The following HOXA6 variants were observed in gnomAD, a reference collection of about 807,000 sequenced individuals.
The protein encoded by HOXA6 is homeobox A6.
A neutral mutation model predicts 23.2 loss-of-function variants in HOXA6; 19 were observed. The ratio of observed to expected loss-of-function variants is 0.82; its 90% CI spans 0.57 to 1.20. The LOEUF (loss-of-function observed/expected upper bound fraction) is 1.20. Ranked by LOEUF, HOXA6 falls within the 50% of genes most tolerant of loss-of-function variation. HOXA6 has a pLI of 0.00. For missense variants in HOXA6, 346 were observed against 313.6 expected, an observed-to-expected ratio of 1.10 and a Z score of -0.78; for synonymous variants, 140 against 132.6, an observed-to-expected ratio of 1.06 and a Z score of -0.38.
intron 1 of HOXA6, among the ~76,000 whole-genome samples, chr7:27,146,615 G>C (rs1477375628): frequency 6.6e-6 from 1 of 152,172 alleles, no homozygotes; most frequent in African/African-American, 2.4e-5. Context: ...AGGTAGTCTA[G>C]GATTTCTGGC....
chr7:27,145,479 T>G lies in HOXA6; in HGVS notation c.*179A>C. Reference sequence around the variant, plus strand: ...TTTGTTTTGTTTTGTTTTGTTTTGTTTTGTTTTGTTTTGTTTTGTAAGAAA... The same window carrying G: ...TTTGTTTTGTTTTGTTTTGTTTTGTGTTGTTTTGTTTTGTTTTGTAAGAAA... On this transcript the variant is annotated 3_prime_UTR_variant, in exon 2 of 2. Coordinates refer to ENST00000222728, the MANE Select transcript of HOXA6 (RefSeq NM_024014.4). The G allele has an allele frequency of 3.9e-6, 3 of 762,350 alleles. No homozygotes were observed. Among genetic ancestry groups the G allele is most frequent in the Non-Finnish European group, 4.2e-6 (2 of 477,696 alleles). The allele number at this position is 762,350 out of a possible 1,614,324, so 47.2% of individuals were successfully genotyped here.
In HOXA6 at chr7:27,146,799, A is replaced by C. The variant is rs549434490; in HGVS notation, c.442+509T>G. Among the ~76,000 whole-genome samples the C allele has an allele frequency of 8.5e-5, 13 of 152,248 alleles. No homozygotes were observed. In the South Asian group the frequency reaches 1.5e-3, roughly 17 times the overall value. On this transcript the variant is annotated intron_variant, in intron 1 of 1. Transcript: ENST00000222728. ...GGGAGATGAGGGAGGAGAGAGAAAA[A>C]AATCCTGAGTCTGGGGCTGTGGCCC...
At chr7:27,146,845 C>T (rs556102689) in intron 1 of HOXA6, among the ~76,000 whole-genome samples, 35 of 152,196 alleles carry the variant, frequency 2.3e-4, no homozygotes, top group Non-Finnish European at 3.8e-4. Context: ...TGGGGAGACA[C>T]TGGAAGAGGC....
At chr7:27,146,878 G>A (rs1490834896) in intron 1 of HOXA6, among the ~76,000 whole-genome samples, 2 of 152,222 alleles carry the variant, frequency 1.3e-5, no homozygotes, top group African/African-American at 2.4e-5. Context: ...TCTCTGTACG[G>A]GTTTCTGAAG....
rs570062509 is a variant in HOXA6 at position 27,147,107 on chromosome 7, G to A, written c.442+201C>T. 1.5e-5 allele frequency: 9 copies of A among 611,278 alleles called. No homozygotes were observed. In the Admixed American group the frequency reaches 2.4e-4, roughly 16 times the overall value. The allele number at this position is 611,278 out of a possible 1,614,324, so 37.9% of individuals were successfully genotyped here. ...AAGGTGTCAGCTTACATGGACACTG[G>A]GGCCTTGCCCTTCCTCTGCCATGGC... On this transcript the variant is annotated intron_variant, in intron 1 of 1. Coordinates refer to ENST00000222728, the MANE Select transcript of HOXA6 (RefSeq NM_024014.4).
rs1782811183 is a variant in HOXA6 at position 27,147,465 on chromosome 7, C to T, written c.285G>A (p.Lys95=). Residue 95 remains lysine (K), a synonymous_variant, in exon 1 of 2, where the codon AAG becomes AAA. Transcript: ENST00000222728. The stretch of plus-strand genomic sequence containing the variant: ...GCAGGTAGTCCCCGGGGCCCCTCTG[C>T]TTGCCACTGCCCGAGGGCGAGGCGC... ...LSGASPSGSG[K]QRGPGDYLHF... 6.2e-7 allele frequency: 1 copy of T among 1,614,118 alleles called. No individual in the cohort carries two copies. The highest frequency in any genetic ancestry group is 8.5e-7 in the Non-Finnish European group (1 of 1,180,066).
rs144375853 is a variant in HOXA6 at position 27,147,336 on chromosome 7, A to G, written c.414T>C (p.Pro138=). The change falls in exon 1 of 2, where the codon CCT becomes CCC. Residue 138 remains proline (P), a synonymous_variant. Transcript: ENST00000222728. ...ADRKYTSPVY[P]WMQRMNSCAG... is the part of the protein sequence containing the mutation. ...CGCAGGAGTTCATCCGCTGCATCCAAGGGTAAACCGGGCTCGTGTACTTCC... is the reference window on the plus strand; with the variant it reads ...CGCAGGAGTTCATCCGCTGCATCCAGGGGTAAACCGGGCTCGTGTACTTCC... 71 of 1,613,768 alleles carry G rather than the reference A, an allele frequency of 4.4e-5. No individual in the cohort carries two copies. Among genetic ancestry groups the G allele is most frequent in the Non-Finnish European group, 5.7e-5 (67 of 1,179,988 alleles).
intron 1 of HOXA6, among the ~76,000 whole-genome samples, chr7:27,146,876 C>A (rs17472028): frequency 6.6e-6 from 1 of 152,202 alleles, no homozygotes; most frequent in African/African-American, 2.4e-5. Flanking sequence ...CCTCTCTGTA[C>A]GGGTTTCTGA....
rs750925696 is a variant in HOXA6, at chr7:27,147,434, A to T, written c.316T>A (p.Ser106Thr). Residue 106 changes from serine (S) to threonine (T), a missense_variant, in exon 1 of 2, where the codon TCT becomes ACT. By Grantham distance (58) the Ser-to-Thr change is moderately conservative (BLOSUM62 1). Coordinates refer to ENST00000222728, the MANE Select transcript of HOXA6 (RefSeq NM_024014.4). ...QRGPGDYLHFSPEQQYKPDSS... is the reference protein window; with the variant it reads ...QRGPGDYLHFTPEQQYKPDSS... ...TCGGGTTTGTACTGCTGCTCGGGAG[A>T]AAAGTGCAGGTAGTCCCCGGGGCCC... 3.1e-6 allele frequency: 5 copies of T among 1,613,918 alleles called. No individual in the cohort carries two copies. Among genetic ancestry groups the T allele is most frequent in the Non-Finnish European group, 4.2e-6 (5 of 1,179,994 alleles).
At chr7:27,145,940 G>C in intron 1 of HOXA6, 23 bp from the exon 2 acceptor site, 1 of 1,603,828 alleles carries the variant, frequency 6.2e-7, no homozygotes, top group Non-Finnish European at 8.5e-7. Flanking sequence ...ACGGCCGGGC[G>C]CCGGTAAGCC....
intron 1 of HOXA6, 67 bp from the exon 2 acceptor site, chr7:27,145,984 C>T: frequency 4.5e-6 from 7 of 1,544,056 alleles, no homozygotes; most frequent in Non-Finnish European, 3.5e-6. Flanking sequence ...CAGCCCAGTG[C>T]CTCCCACAAG....
At chr7:27,147,067 C>T (rs929205109) in intron 1 of HOXA6, 1 of 566,654 alleles carries the variant, frequency 1.8e-6, no homozygotes, top group Non-Finnish European at 3.1e-6. Flanking sequence ...CGTGCCAGTG[C>T]CCCCATCCTC....
chr7:27,147,538 G>A lies in HOXA6; in HGVS notation c.212C>T (p.Ser71Phe), dbSNP rs1782815583. The change falls in exon 1 of 2, where the codon TCC becomes TTC. Residue 71 changes from serine to phenylalanine, a missense_variant. Ser to Phe is a radical substitution (Grantham distance 155). Coordinates refer to ENST00000222728, the MANE Select transcript of HOXA6 (RefSeq NM_024014.4). The stretch of plus-strand genomic sequence containing the variant: ...GAAACACGAGGCCCCGTACTCGTAG[G>A]ACGCCCGGTTGCAGGCCAGGACCGA... ...SNSVLACNRA[S>F]YEYGASCFYS... The A allele has an allele frequency of 6.2e-7, 1 of 1,614,176 alleles. No homozygotes were observed. Among genetic ancestry groups the A allele is most frequent in the East Asian group, 2.2e-5 (1 of 44,874 alleles).
Position 27,145,820 on chromosome 7 carries a change from C to G in HOXA6, c.540G>C (p.Leu180=), listed in dbSNP as rs1051995899. The G allele has an allele frequency of 1.2e-6, 2 of 1,614,262 alleles. No individual in the cohort carries two copies. Among genetic ancestry groups the G allele is most frequent in the African/African-American group, 2.7e-5 (2 of 75,066 alleles). The part of the protein sequence containing the change: ...LEKEFHFNRY[L]TRRRRIEIAN... ...CGATCTCGATGCGGCGGCGCCGTGT[C>G]AGGTAGCGGTTGAAGTGGAACTCCT... The change falls in exon 2 of 2, where the codon CTG becomes CTC. Residue 180 remains leucine, a synonymous_variant. Coordinates refer to ENST00000222728, the MANE Select transcript of HOXA6 (RefSeq NM_024014.4).
At position 27,145,608 on chromosome 7, in the gene HOXA6, G is replaced by T. The variant is rs1782729533; in HGVS notation, c.*50C>A. 2 of 1,578,490 alleles carry T rather than the reference G, an allele frequency of 1.3e-6. No homozygotes were observed. The highest frequency in any genetic ancestry group is 2.7e-5 in the African/African-American group (2 of 74,262). ...AGTTGGGGAACAGGCGAGGGCAAGG[G>T]GGCAAAGCCGAAGGAGGTTGCAGCG... On this transcript the variant is annotated 3_prime_UTR_variant, in exon 2 of 2. Transcript: ENST00000222728.
chr7:27,146,792 G>C (rs1283240191), intron 1 of HOXA6, among the ~76,000 whole-genome samples: 1 of 152,040 alleles, frequency 6.6e-6, no homozygotes, highest in Non-Finnish European at 1.5e-5. Flanking sequence ...AGGGAGGAGA[G>C]AGAAAAAAAT....
chr7:27,145,981 G>A lies in HOXA6; in HGVS notation c.443-64C>T, dbSNP rs969687645. 1.9e-6 allele frequency: 3 copies of A among 1,548,706 alleles called. No homozygotes were observed. In the African/African-American group the frequency reaches 4.1e-5, roughly 21 times the overall value. On this transcript the variant is annotated intron_variant, in intron 1 of 1. Coordinates refer to ENST00000222728, the MANE Select transcript of HOXA6 (RefSeq NM_024014.4). ...CTGGAGGGTTGACCCAGTCAGCCCA[G>A]TGCCTCCCACAAGAGGCACCCAGAC...
rs771463001 is a variant in HOXA6 at position 27,147,603 on chromosome 7, G to A, written c.147C>T (p.Asp49=). The change falls in exon 1 of 2, where the codon GAC becomes GAT. Residue 49 remains aspartate (D), a synonymous_variant. Transcript: ENST00000222728. Reference sequence around the variant, plus strand: ...AGAAACAAGGTGAGGTGTACGTCTTGTCCGGGAGACTCGACGCCCCGTACG... The same window carrying A: ...AGAAACAAGGTGAGGTGTACGTCTTATCCGGGAGACTCGACGCCCCGTACG... The part of the protein sequence containing the change: ...PASYGASSLP[D]KTYTSPCFYQ... The A allele has an allele frequency of 6.2e-7, 1 of 1,614,234 alleles. No homozygotes were observed. Among genetic ancestry groups the A allele is most frequent in the Non-Finnish European group, 8.5e-7 (1 of 1,180,048 alleles).
rs531925898 is a variant in HOXA6 at position 27,145,932 on chromosome 7, G to T, written c.443-15C>A. The T allele has an allele frequency of 6.2e-7, 1 of 1,608,104 alleles. No homozygotes were observed. The highest frequency in any genetic ancestry group is 8.5e-7 in the Non-Finnish European group (1 of 1,177,572). The stretch of plus-strand genomic sequence containing the variant: ...ATACACAGCACCTACGAGCAGAAAC[G>T]GCCGGGCGCCGGTAAGCCAGGGCCT... On this transcript the variant is annotated splice_polypyrimidine_tract_variant and intron_variant, in intron 1 of 1. Coordinates refer to ENST00000222728, the MANE Select transcript of HOXA6 (RefSeq NM_024014.4).
Sources: gnomAD v4.1 joint callset for allele counts (sites outside exome capture counted in the v4.1 genomes callset) on GRCh38, gnomAD v4.1.1 for gene constraint, MANE v1.5 for transcripts, NCBI Gene and HGNC (gene_info 2026-07-23, HGNC 2026-07-21) for gene names.